The following NBEAL1 variants were observed in gnomAD, a reference collection of about 807,000 sequenced individuals.
NBEAL1 encodes the protein neurobeachin-like protein 1.
Under a neutral mutation model 351.3 loss-of-function variants are expected in NBEAL1, and 273 were observed. The observed-to-expected ratio is 0.78, with a 90% CI of 0.70 to 0.86. The LOEUF (loss-of-function observed/expected upper bound fraction) is 0.86. Among genes scored for constraint, NBEAL1 ranks in the 40% least tolerant of loss-of-function variants. The pLI is 0.00. For missense variants in NBEAL1, 2,961 were observed against 3,201.3 expected, an observed-to-expected ratio of 0.92 and a Z score of 1.81; for synonymous variants, 1,050 against 1,086.4, an observed-to-expected ratio of 0.97 and a Z score of 0.66.
intron 10 of NBEAL1, chr2:203,086,248 T>C (rs1203092893): frequency 1.3e-5 from 2 of 152,230 alleles, no homozygotes; most frequent in Non-Finnish European, 2.9e-5. Flanking sequence ...TCTACCTTGA[T>C]CTTTTTTACT....
Position 203,071,926 on chromosome 2 carries a change from C to T in NBEAL1, c.598+3451C>T, listed in dbSNP as rs1256045262. ...TTTGGTTGATACTCTGTACTTCATG[C>T]GCACTGGGTTGCCAGTGTCACCCCC... On this transcript the variant is annotated intron_variant, in intron 7 of 55. Coordinates refer to ENST00000683969, the MANE Select transcript of NBEAL1 (RefSeq NM_001378026.1). Among the ~76,000 whole-genome samples the T allele has an allele frequency of 4.6e-5, 7 of 152,124 alleles. No homozygotes were observed. In the East Asian group the frequency reaches 5.8e-4, roughly 13 times the overall value.
Position 203,176,171 on chromosome 2 carries a change from C to CTT in NBEAL1, c.6464+903_6464+904dup, listed in dbSNP as rs34311199. 5.3e-3 allele frequency among the ~76,000 whole-genome samples: 656 copies of CTT among 122,844 alleles called. 7 individuals are homozygous for CTT. The highest frequency in any genetic ancestry group is 8.0e-3 in the African/African-American group (269 of 33,552). The allele number at this position is 122,844 out of a possible 152,430, so 80.6% of individuals were successfully genotyped here. On this transcript the variant is annotated intron_variant, in intron 42 of 55. Coordinates refer to ENST00000683969, the MANE Select transcript of NBEAL1 (RefSeq NM_001378026.1). ...AAGATCCAGTTATACTTTATTGCAT[C>CTT]TTTTTTTTTTTTTTTTTTTTGAGAC...
rs188950060 is a variant in NBEAL1, at chr2:203,040,414, G to A, written c.52-1351G>A. ...AAGGATTAATGGCATGAGTTTACCG[G>A]TGGAGAGAACCGTTGTAAGACTTCG... On this transcript the variant is annotated intron_variant, in intron 2 of 55. Transcript: ENST00000683969. The A allele has an allele frequency of 2.3e-4, 165 of 718,818 alleles. No individual in the cohort carries two copies. In the East Asian group the frequency reaches 4.1e-3, roughly 18 times the overall value. 44.5% of individuals were successfully genotyped at this position (718,818 alleles called of 1,614,324 possible). A position where few individuals can be genotyped will look rare whatever the true frequency, so the allele number is the denominator to read the frequency against.
Position 203,110,242 on chromosome 2 carries a change from CG to C in NBEAL1, c.2044del (p.Val682LeufsTer16). On this transcript the variant is annotated frameshift_variant, in exon 15 of 56. Transcript: ENST00000683969. LOFTEE classifies it high-confidence loss of function. ...VAVCTKREYA[T>X]VMLPDHSFCD... The stretch of plus-strand genomic sequence containing the variant: ...GTGTGCACAAAAAGAGAATATGCAA[CG>C]GTTATGCTTCCTGACCACAGTTTCT... 2 of 1,552,796 alleles carry C rather than the reference CG, an allele frequency of 1.3e-6. No homozygotes were observed. Among genetic ancestry groups the C allele is most frequent in the Non-Finnish European group, 1.7e-6 (2 of 1,147,206 alleles).
At chr2:203,198,020 C>CTTTTTTTT (rs71034228) in intron 48 of NBEAL1, among the ~76,000 whole-genome samples, 3 of 118,608 alleles carry the variant, frequency 2.5e-5, no homozygotes, top group African/African-American at 6.2e-5. Context: ...TTTTTCTTTT[C>CTTTTTTTT]TTTTTTTTTT....
intron 2 of NBEAL1, among the ~76,000 whole-genome samples, chr2:203,020,334 G>A (rs936679805): frequency 1.3e-5 from 2 of 152,132 alleles, no homozygotes; most frequent in African/African-American, 4.8e-5. Flanking sequence ...CAACAGTCCT[G>A]CTTTCTAAAG....
At chr2:203,141,561 T>C (rs2063383385) in intron 31 of NBEAL1, among the ~76,000 whole-genome samples, 1 of 150,902 alleles carries the variant, frequency 6.6e-6, no homozygotes, top group South Asian at 2.1e-4. Context: ...TTTTGTATTT[T>C]TAGTAGAGGT....
chr2:203,016,325 G>A lies in NBEAL1; in HGVS notation c.-60G>A. ...AAAACTTGGAAAATAAAATGGACAT[G>A]CTGTAGTCTTGAACATAATTTTTTT... On this transcript the variant is annotated 5_prime_UTR_variant, in exon 2 of 56. It removes an upstream start codon present in the reference 5' UTR. Coordinates refer to ENST00000683969, the MANE Select transcript of NBEAL1 (RefSeq NM_001378026.1). 3 of 1,188,736 alleles carry A rather than the reference G, an allele frequency of 2.5e-6. No homozygotes were observed. Among genetic ancestry groups the A allele is most frequent in the Non-Finnish European group, 3.5e-6 (3 of 856,156 alleles). 73.6% of individuals were successfully genotyped at this position (1,188,736 alleles called of 1,614,324 possible). A position where few individuals can be genotyped will look rare whatever the true frequency, so the allele number is the denominator to read the frequency against.
rs1369162867 is a variant in NBEAL1, at chr2:203,135,924, C to G, written c.4061C>G (p.Ser1354Cys). Reference sequence around the variant, plus strand: ...ACCTCTTTTGCCTCAGCTAATGTGTCTTCGGATCAGTGGAGTTTGGAGGAT... The same window carrying G: ...ACCTCTTTTGCCTCAGCTAATGTGTGTTCGGATCAGTGGAGTTTGGAGGAT... ...KITSFASANV[S>C]SDQWSLEDRH... Residue 1354 changes from serine (S) to cysteine (C), a missense_variant, in exon 28 of 56, where the codon TCT becomes TGT. Coordinates refer to ENST00000683969, the MANE Select transcript of NBEAL1 (RefSeq NM_001378026.1). 3 of 1,614,030 alleles carry G rather than the reference C, an allele frequency of 1.9e-6. No homozygotes were observed. Among genetic ancestry groups the G allele is most frequent in the South Asian group, 1.1e-5 (1 of 91,078 alleles).
chr2:203,020,336 T>C (rs1194719171), intron 2 of NBEAL1, among the ~76,000 whole-genome samples: 1 of 152,194 alleles, frequency 6.6e-6, no homozygotes, highest in East Asian at 1.9e-4. Context: ...ACAGTCCTGC[T>C]TTCTAAAGAT....
chr2:203,074,188 ATGT>A (rs1431618398), intron 7 of NBEAL1, among the ~76,000 whole-genome samples: 2 of 152,228 alleles, frequency 1.3e-5, no homozygotes, highest in Non-Finnish European at 2.9e-5. Context: ...TCAAAATACC[ATGT>A]TGTTCACCAT....
intron 7 of NBEAL1, among the ~76,000 whole-genome samples, chr2:203,074,078 A>G (rs192605183): frequency 6.6e-6 from 1 of 152,322 alleles, no homozygotes; most frequent in East Asian, 1.9e-4. Flanking sequence ...GAAAATGGCT[A>G]AGAGAGTAGC....
intron 36 of NBEAL1, among the ~76,000 whole-genome samples, chr2:203,160,543 C>T (rs2063921564): frequency 1.3e-5 from 2 of 152,074 alleles, no homozygotes; most frequent in Non-Finnish European, 2.9e-5. Context: ...AATTGAACAT[C>T]AGAGGTCCCC....
At chr2:203,074,230 A>T (rs2061729195) in intron 7 of NBEAL1, among the ~76,000 whole-genome samples, 2 of 152,118 alleles carry the variant, frequency 1.3e-5, no homozygotes, top group Non-Finnish European at 2.9e-5. Context: ...TTTGTCAATT[A>T]AAAAAGATTA....
chr2:203,207,188 G>A (rs1452313945), intron 51 of NBEAL1, among the ~76,000 whole-genome samples: 3 of 148,370 alleles, frequency 2.0e-5, no homozygotes, highest in African/African-American at 5.0e-5. Context: ...CCCGGCAGCC[G>A]CCCCGTCTGA....
intron 33 of NBEAL1, among the ~76,000 whole-genome samples, chr2:203,146,084 C>G (rs1262810300): frequency 1.3e-5 from 2 of 151,358 alleles, no homozygotes; most frequent in African/African-American, 4.8e-5. Context: ...CCCCGGACAT[C>G]AACATTGTAA....
At chr2:203,073,855 A>C (rs1265758844) in intron 7 of NBEAL1, among the ~76,000 whole-genome samples, 1 of 152,198 alleles carries the variant, frequency 6.6e-6, no homozygotes, top group Non-Finnish European at 1.5e-5. Flanking sequence ...TCTAGAATGA[A>C]CATGAATCAT....
At chr2:203,203,180 T>C (rs1000119670) in intron 51 of NBEAL1, among the ~76,000 whole-genome samples, 2 of 152,064 alleles carry the variant, frequency 1.3e-5, no homozygotes, top group African/African-American at 4.8e-5. Flanking sequence ...TTCTGTTTTC[T>C]TTTCTTTTTT....
At chr2:203,152,903 T>G (rs2063696928) in intron 35 of NBEAL1, among the ~76,000 whole-genome samples, 1 of 151,780 alleles carries the variant, frequency 6.6e-6, no homozygotes, top group Non-Finnish European at 1.5e-5. Context: ...CCGGGCATGG[T>G]GGCGGGCACC....
Sources: allele counts gnomAD v4.1 joint callset (sites outside exome capture counted in the v4.1 genomes callset), GRCh38; gene constraint gnomAD v4.1.1; transcripts MANE v1.5; gene names NCBI Gene and HGNC (gene_info 2026-07-23, HGNC 2026-07-21).